The following PDE5A variants were observed in gnomAD, a reference collection of about 807,000 sequenced individuals.
The protein encoded by PDE5A is phosphodiesterase 5A.
PDE5A carries 67 observed loss-of-function variants against 110.2 expected under a neutral mutation model. The ratio of observed to expected loss-of-function variants is 0.61; its 90% CI spans 0.50 to 0.75. The LOEUF is 0.75. Among genes scored for constraint, PDE5A ranks in the 30% least tolerant of loss-of-function variants. The probability of loss-of-function intolerance (pLI) is 0.00; values close to 1 mark genes in which losing one functional copy is unlikely to be tolerated. For synonymous variants in PDE5A, 328 were observed against 351.2 expected (o/e 0.93, Z 0.74); for missense variants, 862 against 1,045.1 (o/e 0.82, Z 2.42).
chr4:119,572,466 C>T (rs1398882736), intron 3 of PDE5A, among the ~76,000 whole-genome samples: 1 of 152,122 alleles, frequency 6.6e-6, no homozygotes, highest in African/African-American at 2.4e-5. Context: ...TATCTGAGAA[C>T]TTTGTGTGGC....
intron 11 of PDE5A, among the ~76,000 whole-genome samples, chr4:119,533,865 T>G (rs1450874151): frequency 6.6e-6 from 1 of 152,160 alleles, no homozygotes; most frequent in Non-Finnish European, 1.5e-5. Context: ...ACAGATCTGA[T>G]TACCATCTTG....
chr4:119,584,089 TCATCC>T (rs1728676609), intron 3 of PDE5A, among the ~76,000 whole-genome samples: 1 of 152,134 alleles, frequency 6.6e-6, no homozygotes, highest in Admixed American at 6.5e-5. Flanking sequence ...TTCAGACAGT[TCATCC>T]CAAGAAGTAA....
intron 15 of PDE5A, among the ~76,000 whole-genome samples, chr4:119,510,311 C>G (rs1463946589): frequency 6.6e-6 from 1 of 151,908 alleles, no homozygotes. Flanking sequence ...AAAGAATTAG[C>G]CCAACTGAGT....
intron 3 of PDE5A, among the ~76,000 whole-genome samples, chr4:119,569,119 G>A (rs966098713): frequency 4.6e-5 from 7 of 150,804 alleles, no homozygotes; most frequent in Non-Finnish European, 1.0e-4. Flanking sequence ...CTGCAGGCTT[G>A]ATCTTCGAGG....
At chr4:119,623,629 C>G (rs6831062) in intron 1 of PDE5A, among the ~76,000 whole-genome samples, 143,659 of 152,296 alleles carry the variant, frequency 0.94, 67,822 homozygotes, top group Non-Finnish European at 0.97. Flanking sequence ...AATAATACTT[C>G]AGACCAGAGT....
chr4:119,591,787 T>C (rs1382804268), intron 3 of PDE5A, among the ~76,000 whole-genome samples: 1 of 151,972 alleles, frequency 6.6e-6, no homozygotes, highest in Non-Finnish European at 1.5e-5. Context: ...AACTTGGCAG[T>C]GTGAACCTGG....
intron 1 of PDE5A, among the ~76,000 whole-genome samples, chr4:119,622,864 G>GAAAAAAAAAAAAAAA (rs369291602): frequency 4.1e-5 from 4 of 97,266 alleles, no homozygotes; most frequent in Non-Finnish European, 7.6e-5. Context: ...ACTCCGTCTC[G>GAAAAAAAAAAAAAAA]AAAAAAAAAA....
intron 2 of PDE5A, among the ~76,000 whole-genome samples, chr4:119,601,138 C>T (rs964263639): frequency 6.6e-6 from 1 of 152,006 alleles, no homozygotes; most frequent in African/African-American, 2.4e-5. Context: ...TCAACCATAC[C>T]CGAATTCACA....
intron 14 of PDE5A, among the ~76,000 whole-genome samples, chr4:119,516,708 C>T (rs1725919738): frequency 1.3e-5 from 2 of 152,282 alleles, no homozygotes; most frequent in South Asian, 4.1e-4. Context: ...ACCTCTGCCT[C>T]CTGGGTTCAA....
chr4:119,575,593 A>C lies in PDE5A; in HGVS notation c.832-8449T>G, dbSNP rs536235748. The stretch of plus-strand genomic sequence containing the variant: ...TTCATATCCAGCCAAACTAAGCTTC[A>C]TAAGTGAAGGAGAAATAAAATCCTT... On this transcript the variant is annotated intron_variant, in intron 3 of 20. Transcript: ENST00000354960. Among the ~76,000 whole-genome samples the C allele has an allele frequency of 7.7e-3, 1,176 of 152,298 alleles. 19 individuals are homozygous for C. Among genetic ancestry groups the C allele is most frequent in the African/African-American group, 0.027 (1,111 of 41,546 alleles).
intron 9 of PDE5A, chr4:119,543,033 A>G (rs1214629054): frequency 1.2e-5 from 1 of 86,372 alleles, no homozygotes; most frequent in African/African-American, 4.8e-5. Flanking sequence ...CTGAGAAACC[A>G]GAAGTTAAAC....
chr4:119,533,473 T>G (rs1325592069), intron 11 of PDE5A, among the ~76,000 whole-genome samples: 1 of 152,162 alleles, frequency 6.6e-6, no homozygotes, highest in Non-Finnish European at 1.5e-5. Flanking sequence ...TTTTAGAATT[T>G]ATCTTTTTCG....
At chr4:119,532,467 C>T (rs540007526) in intron 11 of PDE5A, among the ~76,000 whole-genome samples, 48 of 152,156 alleles carry the variant, frequency 3.2e-4, no homozygotes, top group African/African-American at 1.2e-3. Flanking sequence ...TCACTTAAGA[C>T]AAATGACAGC....
rs1259839893 is a variant in PDE5A, at chr4:119,552,613, G to C, written c.1333C>G (p.Gln445Glu). 1.9e-6 allele frequency: 3 copies of C among 1,540,648 alleles called. No individual in the cohort carries two copies. The highest frequency in any genetic ancestry group is 2.6e-6 in the Non-Finnish European group (3 of 1,143,138). Residue 445 changes from glutamine to glutamate, a missense_variant, in exon 9 of 21, where the codon CAG becomes GAG. By Grantham distance (29) the Gln-to-Glu change is conservative. Coordinates refer to ENST00000354960, the MANE Select transcript of PDE5A (RefSeq NM_001083.4). The part of the protein sequence containing the change: ...WTTENTGNVN[Q>E]QCIRSLLCTP... Reference sequence around the variant, plus strand: ...CAAAGCAAACTTCTAATGCACTGCTGGTTTACATTTCCTGTATTTTCAGTC... The same window carrying C: ...CAAAGCAAACTTCTAATGCACTGCTCGTTTACATTTCCTGTATTTTCAGTC...
intron 12 of PDE5A, among the ~76,000 whole-genome samples, chr4:119,524,279 T>C (rs986126628): frequency 6.6e-6 from 1 of 152,070 alleles, no homozygotes; most frequent in African/African-American, 2.4e-5. Flanking sequence ...GACTCAAAAA[T>C]CCATGATCTT....
At chr4:119,537,320 A>T (rs554233005) in intron 11 of PDE5A, among the ~76,000 whole-genome samples, 1 of 151,956 alleles carries the variant, frequency 6.6e-6, no homozygotes, top group Non-Finnish European at 1.5e-5. Flanking sequence ...TCCACCATTT[A>T]CTTTTACCTT....
chr4:119,584,047 T>C (rs1349058751), intron 3 of PDE5A, among the ~76,000 whole-genome samples: 1 of 152,222 alleles, frequency 6.6e-6, no homozygotes, highest in Non-Finnish European at 1.5e-5. Context: ...AGATGAGATC[T>C]GGCGCACAAA....
At chr4:119,504,091 G>A (rs4834779) in intron 18 of PDE5A, among the ~76,000 whole-genome samples, 30,322 of 151,924 alleles carry the variant, frequency 0.2, 3,039 homozygotes, top group East Asian at 0.36. Context: ...TTCACCCCTT[G>A]TTCTTTTCCC....
At position 119,505,903 on chromosome 4, in the gene PDE5A, CT is replaced by C; in HGVS notation, c.2218del (p.Arg740GlufsTer20). The C allele has an allele frequency of 6.4e-7, 1 of 1,568,414 alleles. No individual in the cohort carries two copies. The highest frequency in any genetic ancestry group is 8.6e-7 in the Non-Finnish European group (1 of 1,159,280). On this transcript the variant is annotated frameshift_variant, in exon 17 of 21. Coordinates refer to ENST00000354960, the MANE Select transcript of PDE5A (RefSeq NM_001083.4). LOFTEE classifies it high-confidence loss of function. ...KRRGEFFELIRKNQFNLEDPH... is the reference protein window; with the variant it reads ...KRRGEFFELIXKNQFNLEDPH... ...ATCTTCCAAATTGAATTGATTTTTT[CT>C]TATAAGTTCAAAAAATTCTCCTCGC...
Sources: allele counts gnomAD v4.1 joint callset (sites outside exome capture counted in the v4.1 genomes callset), GRCh38; gene constraint gnomAD v4.1.1; transcripts MANE v1.5; gene names NCBI Gene and HGNC (gene_info 2026-07-23, HGNC 2026-07-21).